Variants in DICER1 observed in about 807,000 individuals in gnomAD.
DICER1 encodes the protein dicer 1, ribonuclease III.
In DICER1, 43 loss-of-function variants were observed where a neutral mutation model predicts 194.1. The ratio of observed to expected loss-of-function variants is 0.22; its 90% CI spans 0.17 to 0.29. DICER1 has a LOEUF of 0.29. DICER1 is among the 10% of genes least tolerant of loss of function. The pLI is 1.00. For synonymous variants in DICER1, 832 were observed against 820.5 expected, an observed-to-expected ratio of 1.01 and a Z score of -0.24; for missense variants, 1,608 against 2,317.0, an observed-to-expected ratio of 0.69 and a Z score of 6.28.
chr14:95,091,692 A>G (rs2139785472), intron 24 of DICER1, among the ~76,000 whole-genome samples: 1 of 152,226 alleles, frequency 6.6e-6, no homozygotes, highest in East Asian at 1.9e-4. Flanking sequence ...AAAAAATTCA[A>G]ATTCACTCGT....
intron 3 of DICER1, 58 bp downstream of exon 3, chr14:95,132,457 A>G: frequency 1.3e-6 from 2 of 1,553,322 alleles, no homozygotes; most frequent in Non-Finnish European, 1.8e-6. Context: ...AAATCTGTTT[A>G]AACATAAAAT....
chr14:95,126,495 C>A, intron 7 of DICER1, 85 bp downstream of exon 7: 5 of 864,700 alleles, frequency 5.8e-6, no homozygotes, highest in Non-Finnish European at 1.8e-6. Context: ...AGAAAAGAGC[C>A]GCATTAAGCA....
In DICER1 at chr14:95,086,596, G is replaced by C. The variant is rs1243280229; in HGVS notation, c.*3902C>G. 4.3e-6 allele frequency: 1 copy of C among 233,070 alleles called. No homozygotes were observed. The highest frequency in any genetic ancestry group is 8.5e-6 in the Non-Finnish European group (1 of 117,866). 14.4% of individuals were successfully genotyped at this position (233,070 alleles called of 1,614,324 possible). On this transcript the variant is annotated 3_prime_UTR_variant, in exon 27 of 27. Transcript: ENST00000343455. Reference sequence around the variant, plus strand: ...TGTGGTTGATGTCCAAATAAAAATGGACTAGAAAAAAAGAAGTAATGATTA... The same window carrying C: ...TGTGGTTGATGTCCAAATAAAAATGCACTAGAAAAAAAGAAGTAATGATTA...
chr14:95,118,879 C>T (rs1230716118), intron 8 of DICER1, among the ~76,000 whole-genome samples: 2 of 151,628 alleles, frequency 1.3e-5, no homozygotes, highest in Admixed American at 1.3e-4. Context: ...TGATCCCAAC[C>T]GGCACAACAC....
chr14:95,094,837 TTAAAA>T (rs1311415577), intron 23 of DICER1, among the ~76,000 whole-genome samples: 6 of 152,156 alleles, frequency 3.9e-5, no homozygotes, highest in Admixed American at 3.3e-4. Context: ...CTCACAGTGA[TTAAAA>T]TAATATATCC....
chr14:95,140,012 T>C (rs1472926586), intron 1 of DICER1, among the ~76,000 whole-genome samples: 1 of 152,206 alleles, frequency 6.6e-6, no homozygotes, highest in African/African-American at 2.4e-5. Context: ...CTTGGCATGT[T>C]TAAACAGATT....
In DICER1 at chr14:95,086,430, A is replaced by G. The variant is rs774018669; in HGVS notation, c.*4068T>C. 3.0e-5 allele frequency: 7 copies of G among 233,270 alleles called. No homozygotes were observed. Among genetic ancestry groups the G allele is most frequent in the Admixed American group, 1.7e-4 (3 of 17,790 alleles). The allele number at this position is 233,270 out of a possible 1,614,324, so 14.5% of individuals were successfully genotyped here. Reference sequence around the variant, plus strand: ...TATTGTCAATCAAATAATATGCATTAGTTTTACTTGATTTTAGTAATTTTC... The same window carrying G: ...TATTGTCAATCAAATAATATGCATTGGTTTTACTTGATTTTAGTAATTTTC... On this transcript the variant is annotated 3_prime_UTR_variant, in exon 27 of 27. Transcript: ENST00000343455.
intron 1 of DICER1, chr14:95,134,547 T>A (rs1191715898): frequency 6.6e-6 from 1 of 152,212 alleles, no homozygotes; most frequent in Non-Finnish European, 1.5e-5. Flanking sequence ...ACCAAAACTT[T>A]TGAATCTCCT....
chr14:95,091,440 C>T, intron 24 of DICER1, 75 bp from the exon 25 acceptor site: 9 of 1,391,442 alleles, frequency 6.5e-6, no homozygotes, highest in Non-Finnish European at 9.2e-6. Flanking sequence ...AGTTTCTTTT[C>T]TTGGATATAT....
rs77094540 is a variant in DICER1 at position 95,122,309 on chromosome 14, C to A, written c.1376+1887G>T. Among the ~76,000 whole-genome samples, 111 of 152,316 alleles carry A rather than the reference C, an allele frequency of 7.3e-4. 2 individuals are homozygous for A. In the East Asian group the frequency reaches 0.019, roughly 26 times the overall value. On this transcript the variant is annotated intron_variant, in intron 8 of 26. Transcript: ENST00000343455. ...AAACAGGAGGAAGGCGGAAAATACACCCCCATTTCTTCTCTCCAAGCCCCA... is the reference window on the plus strand; with the variant it reads ...AAACAGGAGGAAGGCGGAAAATACAACCCCATTTCTTCTCTCCAAGCCCCA...
chr14:95,145,410 A>T (rs2140400838), intron 1 of DICER1, among the ~76,000 whole-genome samples: 1 of 152,352 alleles, frequency 6.6e-6, no homozygotes, highest in South Asian at 2.1e-4. Context: ...CAAACAAAAA[A>T]TACTGTGTAC....
At chr14:95,100,038 A>G in intron 21 of DICER1, 103 bp from the exon 22 acceptor site, 2 of 1,235,706 alleles carry the variant, frequency 1.6e-6, no homozygotes, top group Non-Finnish European at 2.3e-6. Flanking sequence ...AAAATTAATC[A>G]ATTAATTATA....
intron 1 of DICER1, among the ~76,000 whole-genome samples, chr14:95,140,282 C>T (rs1595488119): frequency 6.6e-6 from 1 of 152,074 alleles, no homozygotes; most frequent in Non-Finnish European, 1.5e-5. Flanking sequence ...AGACTGACCC[C>T]GTATAAGACT....
intron 14 of DICER1, among the ~76,000 whole-genome samples, chr14:95,109,110 CGTTACT>C (rs1190446745): frequency 6.6e-6 from 1 of 152,074 alleles, no homozygotes; most frequent in Non-Finnish European, 1.5e-5. Context: ...ATTTTTATCC[CGTTACT>C]GTAAAGAGAA....
chr14:95,100,552 T>C (rs2139912733), intron 21 of DICER1, among the ~76,000 whole-genome samples: 1 of 152,344 alleles, frequency 6.6e-6, no homozygotes, highest in South Asian at 2.1e-4. Context: ...AAGGTTTCTG[T>C]TTATTCACAT....
At chr14:95,107,790 T>C in intron 16 of DICER1, 29 bp from the exon 17 acceptor site, 2 of 1,612,720 alleles carry the variant, frequency 1.2e-6, no homozygotes, top group South Asian at 2.2e-5. Flanking sequence ...CTCTTTAGCT[T>C]GTTAAAACAT....
At chr14:95,116,784 A>ATTTACT in intron 9 of DICER1, 89 bp from the exon 10 acceptor site, 1 of 1,319,952 alleles carries the variant, frequency 7.6e-7, no homozygotes. Context: ...GACAACTGTC[A>ATTTACT]TTTCTGACAC....
At chr14:95,146,194 G>A (rs1895123157) in intron 1 of DICER1, among the ~76,000 whole-genome samples, 1 of 152,244 alleles carries the variant, frequency 6.6e-6, no homozygotes, top group Non-Finnish European at 1.5e-5. Flanking sequence ...GAGATACACA[G>A]TATTTTTTGT....
intron 14 of DICER1, 30 bp downstream of exon 14, chr14:95,111,287 G>C (rs978088481): frequency 2.1e-5 from 34 of 1,613,892 alleles, no homozygotes; most frequent in Non-Finnish European, 2.7e-5. Context: ...AGAAATGCTA[G>C]GTTTTTACTC....
Sources: gnomAD v4.1 joint callset for allele counts (sites outside exome capture counted in the v4.1 genomes callset) on GRCh38, gnomAD v4.1.1 for gene constraint, MANE v1.5 for transcripts, NCBI Gene and HGNC (gene_info 2026-07-23, HGNC 2026-07-21) for gene names.